Variants in TFE3 observed in about 807,000 individuals in gnomAD.
The protein encoded by TFE3 is transcription factor E3.
In TFE3, 5 loss-of-function variants were observed where a neutral mutation model predicts 35.0. The ratio of observed to expected loss-of-function variants is 0.14; its 90% CI spans 0.07 to 0.30. The LOEUF (loss-of-function observed/expected upper bound fraction) is 0.30. TFE3 is among the 10% of genes least tolerant of loss of function. The probability of loss-of-function intolerance (pLI) is 1.00; values close to 1 mark genes in which losing one functional copy is unlikely to be tolerated. For synonymous variants in TFE3, 211 were observed against 215.6 expected (o/e 0.98, Z 0.18); for missense variants, 374 against 496.6 (o/e 0.75, Z 2.35).
chrX:49,030,599 T>C lies in TFE3; in HGVS notation c.1287A>G (p.Glu429=). The C allele has an allele frequency of 8.3e-7, 1 of 1,203,702 alleles. No homozygotes were observed. The highest frequency in any genetic ancestry group is 1.1e-6 in the Non-Finnish European group (1 of 890,368). Residue 429 remains glutamate (E), a splice_region_variant and synonymous_variant, in exon 10 of 10, where the codon GAA becomes GAG. Coordinates refer to ENST00000315869, the MANE Select transcript of TFE3 (RefSeq NM_006521.6). ...ANRSLQLRIQ[E]LELQAQIHGL... ...CATGGATCTGGGCCTGCAGTTCTAG[T>C]TCCTGTAAAAAATAGGGGTTGGGTG...
Position 49,038,227 on chromosome X carries a change from C to T in TFE3, c.750G>A (p.Leu250=), listed in dbSNP as rs2064741164. Residue 250 remains leucine, a synonymous_variant, in exon 4 of 10, where the codon CTG becomes CTA. Transcript: ENST00000315869. The part of the protein sequence containing the change: ...TGSAPNSPMA[L]LTIGSSSEKE... ...TCTCTGAGCTGGACCCGATGGTGAGCAGCGCCATGGGGCTGTTGGGCGCAC... is the reference window on the plus strand; with the variant it reads ...TCTCTGAGCTGGACCCGATGGTGAGTAGCGCCATGGGGCTGTTGGGCGCAC... 5.0e-6 allele frequency: 6 copies of T among 1,210,022 alleles called. No individual in the cohort carries two copies. Among genetic ancestry groups the T allele is most frequent in the Non-Finnish European group, 6.7e-6 (6 of 895,275 alleles).
Position 49,039,240 on chromosome X carries a change from C to T in TFE3, c.401G>A (p.Arg134Gln), listed in dbSNP as rs781866057. 3.3e-5 allele frequency: 40 copies of T among 1,203,787 alleles called. No individual in the cohort carries two copies. The highest frequency in any genetic ancestry group is 4.3e-5 in the Non-Finnish European group (38 of 892,344). Residue 134 changes from arginine to glutamine, a missense_variant, in exon 3 of 10, where the codon CGG (arginine) becomes CAG (glutamine). Arg to Gln is a conservative substitution (Grantham distance 43). Around this residue, in one of 3 missense-constraint regions of TFE3, gnomAD observed 167 missense variants for 297.2 expected, o/e 0.56. Transcript: ENST00000315869. The stretch of plus-strand genomic sequence containing the variant: ...GAAGGGAGCCGCGGCGGCCTGTTCC[C>T]GACGCTCACGCCTCTCCTGCTCCTG... ...QAQEQERRER[R>Q]EQAAAAPFPS... is the part of the protein sequence containing the mutation.
At chrX:49,037,503 C>T (rs1170054034) in intron 5 of TFE3, among the ~76,000 whole-genome samples, 2 of 108,854 alleles carry the variant, frequency 1.8e-5, no homozygotes, top group Non-Finnish European at 3.8e-5. Context: ...GTTCAAGACC[C>T]GCCTGACCAA....
At position 49,030,930 on chromosome X, in the gene TFE3, C is replaced by T. The variant is rs188734999; in HGVS notation, c.1285-329G>A. ...AGAAACCCCATCTCTACTAAAAATA[C>T]AAAAATTAGCTGGGTGTGGTGGTGC... On this transcript the variant is annotated intron_variant, in intron 9 of 9. Transcript: ENST00000315869. Among the ~76,000 whole-genome samples, 675 of 110,449 alleles carry T rather than the reference C, an allele frequency of 6.1e-3. 1 individual carries two copies. Among genetic ancestry groups the T allele is most frequent in the Non-Finnish European group, 9.3e-3 (492 of 52,778 alleles).
chrX:49,030,325 GCCCCAGGTGGAAGGGGTCTCCCAGGTC>G lies in TFE3; in HGVS notation c.1534_1560del (p.Asp512_Gly520del). ...TCCTCCTCCATCAGAATGTCCTCCAGCCCCAGGTGGAAGGGGTCTCCCAGGTCCCCCAGGTGGTCGCTGGGAAAGTGC... is the reference window on the plus strand; with the variant it reads ...TCCTCCTCCATCAGAATGTCCTCCAGCCCCAGGTGGTCGCTGGGAAAGTGC... On this transcript the variant is annotated inframe_deletion, in exon 10 of 10. Coordinates refer to ENST00000315869, the MANE Select transcript of TFE3 (RefSeq NM_006521.6). 2.5e-6 allele frequency: 3 copies of G among 1,193,675 alleles called. No homozygotes were observed. Among genetic ancestry groups the G allele is most frequent in the Non-Finnish European group, 3.4e-6 (3 of 886,822 alleles).
chrX:49,032,617 C>T (rs1200761942), intron 8 of TFE3, among the ~76,000 whole-genome samples: 25 of 110,561 alleles, frequency 2.3e-4, no homozygotes, highest in African/African-American at 3.9e-4. Flanking sequence ...GTGATCCACC[C>T]GCCTCGGCCT....
At chrX:49,041,781 G>C (rs149686739) in intron 1 of TFE3, among the ~76,000 whole-genome samples, 2 of 112,355 alleles carry the variant, frequency 1.8e-5, no homozygotes, top group East Asian at 5.6e-4. Context: ...CAGAGAGCAA[G>C]GGACAGTTAA....
At position 49,039,157 on chromosome X, in the gene TFE3, G is replaced by C; in HGVS notation, c.484C>G (p.His162Asp). The C allele has an allele frequency of 8.4e-7, 1 of 1,197,375 alleles. No individual in the cohort carries two copies. The highest frequency in any genetic ancestry group is 1.1e-6 in the Non-Finnish European group (1 of 887,233). ...ISVVGVSAGG[H>D]TLSRPPPAQV... is the part of the protein sequence containing the mutation. ...GCAGGGGGTGGACGGCTCAATGTGT[G>C]GCCCCCAGCAGAGACGCCAACCACA... is the stretch of plus-strand genomic sequence containing the variant. The change falls in exon 3 of 10, where the codon CAC (histidine) becomes GAC (aspartate). Residue 162 changes from histidine to aspartate, a missense_variant. His to Asp is a moderately conservative substitution (Grantham distance 81, BLOSUM62 -1). Around this residue, in one of 3 missense-constraint regions of TFE3, gnomAD observed 167 missense variants for 297.2 expected, o/e 0.56. Transcript: ENST00000315869.
chrX:49,038,102 T>C lies in TFE3; in HGVS notation c.793A>G (p.Ile265Val), dbSNP rs1557075044. 1.7e-6 allele frequency: 2 copies of C among 1,209,894 alleles called. No homozygotes were observed. The highest frequency in any genetic ancestry group is 4.4e-5 in the Admixed American group (2 of 45,856). ...SSSEKEIDDV[I>V]DEIISLESSY... Reference sequence around the variant, plus strand: ...GACTCCAGGCTGATGATCTCATCAATGACATCATCAATCTAGGGGAAGAAG... The same window carrying C: ...GACTCCAGGCTGATGATCTCATCAACGACATCATCAATCTAGGGGAAGAAG... The change falls in exon 5 of 10, where the codon ATT becomes GTT. Residue 265 changes from isoleucine to valine, a missense_variant. This residue lies in a region of TFE3 where 167 missense variants were observed against 297.2 expected (regional missense o/e 0.56). Transcript: ENST00000315869.
chrX:49,029,025 C>T lies in TFE3; in HGVS notation c.*1133G>A. ...AATGAGGGGGTACAATATGCTTTTA[C>T]AACCCTCCTCCAAGCTTCTGCCTTG... On this transcript the variant is annotated 3_prime_UTR_variant, in exon 10 of 10. Coordinates refer to ENST00000315869, the MANE Select transcript of TFE3 (RefSeq NM_006521.6). The T allele has an allele frequency of 5.7e-6, 1 of 174,016 alleles. No individual in the cohort carries two copies. Among genetic ancestry groups the T allele is most frequent in the Non-Finnish European group, 1.1e-5 (1 of 90,543 alleles). The allele number at this position is 174,016 out of a possible 1,213,427, so 14.3% of individuals were successfully genotyped here.
chrX:49,039,409 G>T lies in TFE3; in HGVS notation c.232C>A (p.Leu78Ile). The change falls in exon 3 of 10, where the codon CTC becomes ATC. Residue 78 changes from leucine to isoleucine, a missense_variant and splice_region_variant. Leu to Ile is a conservative substitution (Grantham distance 5). Around this residue, in one of 3 missense-constraint regions of TFE3, gnomAD observed 90 missense variants for 87.5 expected, o/e 1.03. Coordinates refer to ENST00000315869, the MANE Select transcript of TFE3 (RefSeq NM_006521.6). ...GGTGTGGCCTGCAGTGATATTGGGAGGCTGTGGAATGGGAAATATGGGGCC... is the reference window on the plus strand; with the variant it reads ...GGTGTGGCCTGCAGTGATATTGGGATGCTGTGGAATGGGAAATATGGGGCC... ...KSQPLPLRSSLPISLQATPAT... is the reference protein window; with the variant it reads ...KSQPLPLRSSIPISLQATPAT... 1 of 1,176,454 alleles carries T rather than the reference G, an allele frequency of 8.5e-7. No individual in the cohort carries two copies. Among genetic ancestry groups the T allele is most frequent in the Non-Finnish European group, 1.1e-6 (1 of 877,612 alleles).
intron 9 of TFE3, 66 bp from the exon 10 acceptor site, chrX:49,030,667 T>C: frequency 1.2e-5 from 12 of 992,650 alleles, no homozygotes; most frequent in Middle Eastern, 3.1e-4. Flanking sequence ...CAGAGGAGTA[T>C]AAAGGTTGAA....
intron 1 of TFE3, among the ~76,000 whole-genome samples, chrX:49,041,762 G>A (rs1557075794): frequency 8.9e-6 from 1 of 112,146 alleles, no homozygotes. Context: ...GAAAGGCTCT[G>A]CTCAGCCCCA....
chrX:49,039,211 T>C lies in TFE3; in HGVS notation c.430A>G (p.Ser144Gly), dbSNP rs782364680. 1.7e-6 allele frequency: 2 copies of C among 1,207,369 alleles called. No homozygotes were observed. The highest frequency in any genetic ancestry group is 2.2e-6 in the Non-Finnish European group (2 of 893,624). ...REQAAAAPFP[S>G]PAPASPAISV... Reference sequence around the variant, plus strand: ...ATGGCAGGAGAGGCAGGTGCAGGACTGGGGAAGGGAGCCGCGGCGGCCTGT... The same window carrying C: ...ATGGCAGGAGAGGCAGGTGCAGGACCGGGGAAGGGAGCCGCGGCGGCCTGT... Residue 144 changes from serine (S) to glycine (G), a missense_variant, in exon 3 of 10, where the codon AGT (serine) becomes GGT (glycine). Physicochemically the swap from Ser to Gly is moderately conservative, Grantham distance 56. Coordinates refer to ENST00000315869, the MANE Select transcript of TFE3 (RefSeq NM_006521.6).
rs367560398 is a variant in TFE3 at position 49,033,435 on chromosome X, G to A, written c.1136+30C>T. On this transcript the variant is annotated intron_variant, in intron 8 of 9. Coordinates refer to ENST00000315869, the MANE Select transcript of TFE3 (RefSeq NM_006521.6). ...GCATGGGACGCCTGCCCCACCTCCCGCTGGCCTGAGGGTCCCAGCCCAGAC... is the reference window on the plus strand; with the variant it reads ...GCATGGGACGCCTGCCCCACCTCCCACTGGCCTGAGGGTCCCAGCCCAGAC... 1,171 of 1,194,377 alleles carry A rather than the reference G, an allele frequency of 9.8e-4. 2 individuals are homozygous for A. The highest frequency in any genetic ancestry group is 1.4e-3 in the East Asian group (46 of 33,674).
intron 1 of TFE3, 135 bp downstream of exon 1, chrX:49,042,976 C>A: frequency 2.2e-6 from 1 of 458,992 alleles, no homozygotes; most frequent in South Asian, 3.9e-5. Flanking sequence ...CTTAGGTGCC[C>A]CCCCAAGACG....
intron 5 of TFE3, among the ~76,000 whole-genome samples, chrX:49,036,312 C>T (rs2064728972): frequency 9.5e-6 from 1 of 104,875 alleles, no homozygotes; most frequent in African/African-American, 3.5e-5. Flanking sequence ...TACTAAAATA[C>T]AAAAATTAGC....
chrX:49,037,946 G>A (rs2064739386), intron 5 of TFE3, 64 bp downstream of exon 5: 2 of 991,860 alleles, frequency 2.0e-6, no homozygotes, highest in Non-Finnish European at 1.4e-6. Context: ...GCCAGACTGA[G>A]TATGGTCTTG....
rs1429410408 is a variant in TFE3 at position 49,030,459 on chromosome X, G to T, written c.1427C>A (p.Thr476Lys). Residue 476 changes from threonine (T) to lysine (K), a missense_variant, in exon 10 of 10, where the codon ACG (threonine) becomes AAG (lysine). Physicochemically the swap from Thr to Lys is moderately conservative, Grantham distance 78. Coordinates refer to ENST00000315869, the MANE Select transcript of TFE3 (RefSeq NM_006521.6). ...IEEEGRPGAATFHVGGGPAQN... is the reference protein window; with the variant it reads ...IEEEGRPGAAKFHVGGGPAQN... ...GGCAGGTCCCCCCCCTACATGGAAC[G>T]TTGCTGCGCCTGGCCTGCCCTCCTC... 2 of 1,211,566 alleles carry T rather than the reference G, an allele frequency of 1.7e-6. No individual in the cohort carries two copies. The highest frequency in any genetic ancestry group is 3.0e-5 in the East Asian group (1 of 33,822).
Sources: gnomAD v4.1 joint callset for allele counts (sites outside exome capture counted in the v4.1 genomes callset) on GRCh38, gnomAD v4.1.1 for gene constraint, gnomAD v4.1.1 regional missense constraint, MANE v1.5 for transcripts, NCBI Gene and HGNC (gene_info 2026-07-23, HGNC 2026-07-21) for gene names.